The following MYT1L variants were observed in gnomAD, a reference collection of about 807,000 sequenced individuals.
MYT1L encodes the protein myelin transcription factor 1 like.
In MYT1L, 12 loss-of-function variants were observed where a neutral mutation model predicts 126.7. That is an observed-to-expected ratio of 0.09 (90% CI 0.06 to 0.15). The LOEUF (loss-of-function observed/expected upper bound fraction) is 0.15. Ranked by LOEUF, MYT1L falls within the 10% of genes least tolerant of loss-of-function variation. MYT1L has a pLI of 1.00. For synonymous variants in MYT1L, 541 were observed against 604.2 expected, an observed-to-expected ratio of 0.90 and a Z score of 1.53; for missense variants, 979 against 1,585.2, an observed-to-expected ratio of 0.62 and a Z score of 6.49.
intron 1 of MYT1L, chr2:2,324,665 C>CG (rs1372582963): frequency 6.5e-6 from 1 of 152,752 alleles, no homozygotes; most frequent in African/African-American, 2.4e-5. Context: ...AGACAGACAG[C>CG]GCCGGGCTGC....
chr2:1,948,822 T>C (rs1021995694), intron 8 of MYT1L, among the ~76,000 whole-genome samples: 3 of 152,216 alleles, frequency 2.0e-5, no homozygotes, highest in African/African-American at 7.2e-5. Flanking sequence ...TTGAACATCA[T>C]TCTGCAAGAC....
At chr2:1,797,857 GCGGCGGTCTCCCCCC>G (rs2033924051) in intron 23 of MYT1L, among the ~76,000 whole-genome samples, 1 of 149,814 alleles carries the variant, frequency 6.7e-6, no homozygotes, top group Non-Finnish European at 1.5e-5. Context: ...CGGCACAGGC[GCGGCGGTCTCCCCCC>G]ATCCGGCACA....
At chr2:1,915,070 C>T (rs537660829) in intron 11 of MYT1L, among the ~76,000 whole-genome samples, 1 of 152,282 alleles carries the variant, frequency 6.6e-6, no homozygotes, top group Non-Finnish European at 1.5e-5. Context: ...CTTCTCTCAG[C>T]CGGGCTGGGA....
intron 2 of MYT1L, among the ~76,000 whole-genome samples, chr2:2,243,361 T>C (rs1043948820): frequency 2.0e-5 from 3 of 152,240 alleles, no homozygotes; most frequent in Admixed American, 2.0e-4. Context: ...TAACCTTCTA[T>C]ACAAACTTAT....
intron 18 of MYT1L, among the ~76,000 whole-genome samples, chr2:1,853,328 C>T (rs1213964405): frequency 6.6e-6 from 1 of 152,170 alleles, no homozygotes; most frequent in Non-Finnish European, 1.5e-5. Flanking sequence ...TTTCAAACAG[C>T]GTCTGCATAT....
At chr2:2,061,953 T>G (rs1212424913) in intron 3 of MYT1L, among the ~76,000 whole-genome samples, 2 of 152,012 alleles carry the variant, frequency 1.3e-5, no homozygotes, top group Admixed American at 6.5e-5. Flanking sequence ...CTTTCAACGC[T>G]TCTAGCCATT....
chr2:2,017,900 TTTTA>T (rs869053738), intron 4 of MYT1L, among the ~76,000 whole-genome samples: 5 of 152,340 alleles, frequency 3.3e-5, no homozygotes, highest in African/African-American at 1.2e-4. Flanking sequence ...AATTTGTTGT[TTTTA>T]TTTAAGTACC....
At chr2:2,002,238 G>A (rs555383168) in intron 4 of MYT1L, among the ~76,000 whole-genome samples, 43 of 152,112 alleles carry the variant, frequency 2.8e-4, no homozygotes, top group Non-Finnish European at 5.3e-4. Context: ...ATGGTCTCTC[G>A]ACCATGAGAC....
chr2:2,056,662 C>A (rs116022983), intron 3 of MYT1L, among the ~76,000 whole-genome samples: 476 of 152,332 alleles, frequency 3.1e-3, no homozygotes, highest in African/African-American at 0.011. Flanking sequence ...GTTCTGGCTG[C>A]TCACAGTTCC....
At position 1,852,210 on chromosome 2, in the gene MYT1L, G is replaced by C. The variant is rs1216119951; in HGVS notation, c.2712-507C>G. On this transcript the variant is annotated intron_variant, in intron 18 of 24. Transcript: ENST00000647738. The surrounding 1 kb of genome is among the most constrained non-coding windows in gnomAD (Gnocchi z 4.0). ...TGCGGCCAGCCTGGGTGGTCCCAGG[G>C]AGCAGTGAGGGTATCGACCCGCATC... Among the ~76,000 whole-genome samples, 1 of 152,178 alleles carries C rather than the reference G, an allele frequency of 6.6e-6. No individual in the cohort carries two copies. The highest frequency in any genetic ancestry group is 1.5e-5 in the Non-Finnish European group (1 of 68,034).
rs1573552466 is a variant in MYT1L at position 1,917,143 on chromosome 2, A to C, written c.1618+62T>G. 1.9e-6 allele frequency: 3 copies of C among 1,563,966 alleles called. No individual in the cohort carries two copies. In the East Asian group the frequency reaches 6.8e-5, roughly 35 times the overall value. The stretch of plus-strand genomic sequence containing the variant: ...ATGGAGATGATGTCAGGTAAGAGGG[A>C]TGACAGAGACAGAGTCATGGGTGTT... On this transcript the variant is annotated intron_variant, in intron 11 of 24. Transcript: ENST00000647738. This position sits in a 1 kb window ranked among gnomAD's most constrained non-coding sequence, Gnocchi z 5.9.
intron 14 of MYT1L, among the ~76,000 whole-genome samples, chr2:1,892,732 G>A (rs1373155731): frequency 2.0e-5 from 3 of 152,076 alleles, no homozygotes; most frequent in African/African-American, 4.8e-5. Context: ...ATGAGGGCTC[G>A]TGAGCACTTT....
intron 3 of MYT1L, among the ~76,000 whole-genome samples, chr2:2,104,791 T>A (rs996609835): frequency 3.3e-5 from 5 of 152,148 alleles, no homozygotes; most frequent in African/African-American, 1.2e-4. Context: ...GGGTTCTGCA[T>A]GGTTGGGGGA....
intron 3 of MYT1L, among the ~76,000 whole-genome samples, chr2:2,166,859 T>G (rs17039361): frequency 0.38 from 57,473 of 152,010 alleles, 11,395 homozygotes; most frequent in African/African-American, 0.5. Flanking sequence ...ATACATATGT[T>G]TGTGCGAAGT....
intron 4 of MYT1L, among the ~76,000 whole-genome samples, chr2:2,029,210 G>C (rs1471217106): frequency 6.6e-6 from 1 of 152,140 alleles, no homozygotes. Context: ...TGACATTCGT[G>C]ACTGTCTAAC....
At chr2:1,911,565 C>G (rs545218939) in intron 12 of MYT1L, among the ~76,000 whole-genome samples, 126 of 152,278 alleles carry the variant, frequency 8.3e-4, no homozygotes, top group African/African-American at 2.9e-3. Context: ...AGACCACCCC[C>G]CAACCTGCTA....
At chr2:2,071,510 G>A (rs1412071791) in intron 3 of MYT1L, among the ~76,000 whole-genome samples, 1 of 152,160 alleles carries the variant, frequency 6.6e-6, no homozygotes, top group African/African-American at 2.4e-5. Flanking sequence ...ATACAGAAAA[G>A]CTCAGGACGC....
At chr2:2,212,518 C>A (rs1280580051) in intron 2 of MYT1L, among the ~76,000 whole-genome samples, 2 of 152,172 alleles carry the variant, frequency 1.3e-5, no homozygotes, top group Non-Finnish European at 2.9e-5. Context: ...AGTACACATA[C>A]AAACACATTT....
intron 21 of MYT1L, among the ~76,000 whole-genome samples, chr2:1,834,631 T>A (rs2040587176): frequency 6.6e-6 from 1 of 152,196 alleles, no homozygotes; most frequent in Non-Finnish European, 1.5e-5. Context: ...AAGCATCAGA[T>A]TCACAGAGGC....
Sources: gnomAD v4.1 joint callset for allele counts (sites outside exome capture counted in the v4.1 genomes callset) on GRCh38, gnomAD v4.1.1 for gene constraint, Gnocchi (gnomAD v3.1) non-coding constraint, MANE v1.5 for transcripts, NCBI Gene and HGNC (gene_info 2026-07-23, HGNC 2026-07-21) for gene names.